The following EXT1 variants were observed in gnomAD, a reference collection of about 807,000 sequenced individuals.
The protein encoded by EXT1 is exostosin glycosyltransferase 1, also known as exostosin-1.
EXT1 carries 20 observed loss-of-function variants against 82.5 expected under a neutral mutation model. The observed-to-expected ratio is 0.24, with a 90% CI of 0.17 to 0.35. The LOEUF is 0.35. Ranked by LOEUF, EXT1 falls within the 10% of genes least tolerant of loss-of-function variation. EXT1 has a pLI of 1.00. For missense variants in EXT1, 757 were observed against 936.5 expected, an observed-to-expected ratio of 0.81 and a Z score of 2.50; for synonymous variants, 348 against 350.8, an observed-to-expected ratio of 0.99 and a Z score of 0.09.
intron 8 of EXT1, among the ~76,000 whole-genome samples, chr8:117,812,100 G>T (rs1563875064): frequency 2.0e-5 from 3 of 152,102 alleles, no homozygotes; most frequent in Admixed American, 6.5e-5. Context: ...GGGGAAAGGT[G>T]TAAGTAGTTA....
At chr8:117,923,565 A>C (rs865833893) in intron 1 of EXT1, among the ~76,000 whole-genome samples, 1 of 151,234 alleles carries the variant, frequency 6.6e-6, no homozygotes, top group Non-Finnish European at 1.5e-5. Context: ...AAAAAAAAAA[A>C]AATACAAAAA....
chr8:117,876,822 C>T (rs932645291), intron 1 of EXT1, among the ~76,000 whole-genome samples: 3 of 152,218 alleles, frequency 2.0e-5, no homozygotes, highest in South Asian at 4.2e-4. Context: ...TTTACGGAAG[C>T]GCGTATTAAG....
At chr8:117,977,055 A>G (rs1416874219) in intron 1 of EXT1, among the ~76,000 whole-genome samples, 2 of 152,140 alleles carry the variant, frequency 1.3e-5, no homozygotes, top group Admixed American at 6.6e-5. Flanking sequence ...GTTAAGGCTT[A>G]TATGAGGACA....
chr8:118,010,957 T>C (rs1039360626), intron 1 of EXT1, among the ~76,000 whole-genome samples: 7 of 152,144 alleles, frequency 4.6e-5, no homozygotes, highest in Admixed American at 1.3e-4. Context: ...TGTTCAGTAA[T>C]ATGACACTGA....
intron 1 of EXT1, among the ~76,000 whole-genome samples, chr8:117,976,615 T>C (rs1240276239): frequency 2.6e-5 from 4 of 152,212 alleles, no homozygotes; most frequent in Admixed American, 6.5e-5. Context: ...TATTGGGTGC[T>C]AGAAATATTC....
intron 1 of EXT1, among the ~76,000 whole-genome samples, chr8:117,957,853 A>G (rs965733474): frequency 1.3e-5 from 2 of 152,222 alleles, no homozygotes; most frequent in Admixed American, 6.5e-5. Context: ...AGTTGAAAGC[A>G]TATCTGTGCA....
chr8:117,970,423 C>T (rs781390165), intron 1 of EXT1, among the ~76,000 whole-genome samples: 4 of 152,044 alleles, frequency 2.6e-5, no homozygotes, highest in Non-Finnish European at 5.9e-5. Context: ...CTGCCTCAGC[C>T]TCTTGATTAG....
rs143243883 is a variant in EXT1, at chr8:117,868,508, G to A, written c.963-31307C>T. Among the ~76,000 whole-genome samples, 138 of 152,292 alleles carry A rather than the reference G, an allele frequency of 9.1e-4. 1 individual carries two copies. Among genetic ancestry groups the A allele is most frequent in the African/African-American group, 3.2e-3 (131 of 41,550 alleles). On this transcript the variant is annotated intron_variant, in intron 1 of 10. Transcript: ENST00000378204. Reference sequence around the variant, plus strand: ...ATTCTGTCACCCAAGCCAGAGTGGAGTGGCACAATCATAGCTTACCACAGC... The same window carrying A: ...ATTCTGTCACCCAAGCCAGAGTGGAATGGCACAATCATAGCTTACCACAGC...
intron 1 of EXT1, among the ~76,000 whole-genome samples, chr8:117,985,801 T>C (rs557196965): frequency 9.9e-5 from 15 of 152,248 alleles, no homozygotes; most frequent in Admixed American, 3.3e-4. Context: ...ATAATATCAA[T>C]TGTTAGCTCT....
intron 1 of EXT1, among the ~76,000 whole-genome samples, chr8:117,979,689 C>T (rs1388608847): frequency 2.0e-5 from 3 of 152,138 alleles, no homozygotes; most frequent in Non-Finnish European, 2.9e-5. Context: ...GCGTAATCTC[C>T]ACAACAAAAT....
chr8:118,108,149 A>T (rs1563658659), intron 1 of EXT1, among the ~76,000 whole-genome samples: 1 of 152,258 alleles, frequency 6.6e-6, no homozygotes, highest in Non-Finnish European at 1.5e-5. Context: ...TCTCTAGAAA[A>T]TGCTTCCATT....
At chr8:117,885,492 G>GAAAAAAAAAA in intron 1 of EXT1, among the ~76,000 whole-genome samples, 1 of 18,284 alleles carries the variant, frequency 5.5e-5, no homozygotes, top group Non-Finnish European at 1.1e-4. Context: ...GAAAGTAACA[G>GAAAAAAAAAA]ACAAAAAAAA....
intron 9 of EXT1, among the ~76,000 whole-genome samples, chr8:117,805,171 A>G (rs1369933072): frequency 6.6e-6 from 1 of 152,222 alleles, no homozygotes; most frequent in Non-Finnish European, 1.5e-5. Context: ...ATGAGGAAAC[A>G]AGGCACAGAG....
At chr8:117,875,282 A>C (rs1297200359) in intron 1 of EXT1, among the ~76,000 whole-genome samples, 1 of 152,086 alleles carries the variant, frequency 6.6e-6, no homozygotes, top group Non-Finnish European at 1.5e-5. Flanking sequence ...TTAGCCAGGC[A>C]TGGTGGTGCG....
In EXT1 at chr8:117,797,379, AAC is replaced by A. The variant is rs1823101982; in HGVS notation, c.*2331_*2332del. The A allele has an allele frequency of 6.6e-6, 1 of 152,226 alleles. No homozygotes were observed. Among genetic ancestry groups the A allele is most frequent in the African/African-American group, 2.4e-5 (1 of 41,456 alleles). 9.4% of individuals were successfully genotyped at this position (152,226 alleles called of 1,614,324 possible). A position where few individuals can be genotyped will look rare whatever the true frequency, so the allele number is the denominator to read the frequency against. On this transcript the variant is annotated 3_prime_UTR_variant, in exon 11 of 11. Transcript: ENST00000378204. ...TTATAATTACCATTTTTCTTCACATAACACATGTTGTTTGTGGAGGATATGTG... is the reference window on the plus strand; with the variant it reads ...TTATAATTACCATTTTTCTTCACATAACATGTTGTTTGTGGAGGATATGTG...
chr8:117,919,569 A>T (rs1462368671), intron 1 of EXT1, among the ~76,000 whole-genome samples: 4 of 151,426 alleles, frequency 2.6e-5, no homozygotes, highest in Non-Finnish European at 5.9e-5. Context: ...CAGTGGTGCA[A>T]ACACGGCTAA....
At chr8:118,084,590 C>G (rs978102581) in intron 1 of EXT1, among the ~76,000 whole-genome samples, 2 of 152,204 alleles carry the variant, frequency 1.3e-5, no homozygotes, top group Non-Finnish European at 2.9e-5. Flanking sequence ...AACCCAAATG[C>G]CCAGAGCCCA....
chr8:117,998,605 T>C (rs986558177), intron 1 of EXT1, among the ~76,000 whole-genome samples: 2 of 152,204 alleles, frequency 1.3e-5, no homozygotes, highest in Admixed American at 6.5e-5. Flanking sequence ...CTGCATTTTT[T>C]AAGGAGGAAT....
chr8:118,038,347 T>C (rs189148294), intron 1 of EXT1, among the ~76,000 whole-genome samples: 3 of 152,148 alleles, frequency 2.0e-5, no homozygotes, highest in Non-Finnish European at 2.9e-5. Flanking sequence ...ATAAATTCAA[T>C]TGAAGTCAAA....
Sources: gnomAD v4.1 joint callset for allele counts (sites outside exome capture counted in the v4.1 genomes callset) on GRCh38, gnomAD v4.1.1 for gene constraint, MANE v1.5 for transcripts, NCBI Gene and HGNC (gene_info 2026-07-23, HGNC 2026-07-21) for gene names.